KIF1B: variants seen among roughly 807,000 people sequenced by gnomAD.
KIF1B encodes kinesin-like protein KIF1B.
A neutral mutation model predicts 241.9 loss-of-function variants in KIF1B; 76 were observed. The ratio of observed to expected loss-of-function variants is 0.31; its 90% CI spans 0.26 to 0.38. The LOEUF is 0.38. Among genes scored for constraint, KIF1B ranks in the 10% least tolerant of loss-of-function variants. The probability of loss-of-function intolerance (pLI) is 1.00; values close to 1 mark genes in which losing one functional copy is unlikely to be tolerated. For missense variants in KIF1B, 1,622 were observed against 2,271.4 expected (o/e 0.71, Z 5.81); for synonymous variants, 750 against 796.7 (o/e 0.94, Z 0.99).
chr1:10,378,307 T>A lies in KIF1B; in HGVS notation c.*1720T>A. ...ACTGCCCAGGGAGAAAGGAGGAAGC[T>A]CACTGTGGACAGTCTTCTTTCCTTC... On this transcript the variant is annotated 3_prime_UTR_variant, in exon 49 of 49. Coordinates refer to ENST00000676179, the MANE Select transcript of KIF1B (RefSeq NM_001365951.3). 2 of 717,834 alleles carry A rather than the reference T, an allele frequency of 2.8e-6. No individual in the cohort carries two copies. Among genetic ancestry groups the A allele is most frequent in the Non-Finnish European group, 5.2e-6 (2 of 385,168 alleles). 44.5% of individuals were successfully genotyped at this position (717,834 alleles called of 1,614,324 possible).
chr1:10,339,948 G>A (rs1368501994), intron 32 of KIF1B, 89 bp downstream of exon 32: 1 of 1,067,776 alleles, frequency 9.4e-7, no homozygotes, highest in Non-Finnish European at 1.4e-6. Context: ...AGAGGTACAA[G>A]TCACTGGCTG....
intron 1 of KIF1B, among the ~76,000 whole-genome samples, chr1:10,226,897 G>C (rs1646915174): frequency 6.6e-6 from 1 of 151,976 alleles, no homozygotes; most frequent in South Asian, 2.1e-4. Context: ...GAGCCCAGGA[G>C]GTCAAGGCTG....
At chr1:10,325,025 T>G (rs1017604994) in intron 26 of KIF1B, 130 bp downstream of exon 26, 8 of 984,994 alleles carry the variant, frequency 8.1e-6, no homozygotes, top group Non-Finnish European at 1.3e-5. Context: ...TATAATCTTA[T>G]CCACTCACAA....
At chr1:10,299,128 A>G (rs1339496263) in intron 22 of KIF1B, 1 of 152,142 alleles carries the variant, frequency 6.6e-6, no homozygotes, top group Non-Finnish European at 1.5e-5. Context: ...GACAAACAAA[A>G]AAAAAGAATA....
intron 2 of KIF1B, among the ~76,000 whole-genome samples, chr1:10,242,628 T>G (rs1410214562): frequency 6.6e-6 from 1 of 152,152 alleles, no homozygotes; most frequent in Non-Finnish European, 1.5e-5. Flanking sequence ...ACAATTCTCC[T>G]GCCTAAGCCT....
At position 10,376,557 on chromosome 1, in the gene KIF1B, C is replaced by T. The variant is rs1255711182; in HGVS notation, c.5421C>T (p.Ser1807=). 11 of 1,614,040 alleles carry T rather than the reference C, an allele frequency of 6.8e-6. No homozygotes were observed. The highest frequency in any genetic ancestry group is 9.3e-6 in the Non-Finnish European group (11 of 1,179,938). ...TTGTCCCCCATAGGTCAAAGCTTTCCCGCAGATGCCCGAGCCAGTCGAAAT... is the reference window on the plus strand; with the variant it reads ...TTGTCCCCCATAGGTCAAAGCTTTCTCGCAGATGCCCGAGCCAGTCGAAAT... ...LLAGTIRSKL[S]RRCPSQSKY is the part of the protein sequence containing the mutation. Residue 1807 remains serine, a synonymous_variant, in exon 49 of 49, where the codon TCC becomes TCT. Transcript: ENST00000676179.
At chr1:10,332,713 C>T (rs1651999126) in intron 27 of KIF1B, among the ~76,000 whole-genome samples, 2 of 151,312 alleles carry the variant, frequency 1.3e-5, no homozygotes, top group African/African-American at 4.9e-5. Flanking sequence ...GACGGAGTTT[C>T]ACCGTGTTAG....
chr1:10,256,127 C>G (rs1647767085), intron 2 of KIF1B, 120 bp from the exon 3 acceptor site: 1 of 720,532 alleles, frequency 1.4e-6, no homozygotes, highest in African/African-American at 1.8e-5. Context: ...TTTGATTGCC[C>G]TATTCAGATT....
intron 4 of KIF1B, among the ~76,000 whole-genome samples, chr1:10,259,401 T>A (rs1013953): frequency 0.35 from 52,491 of 151,100 alleles, 9,219 homozygotes; most frequent in Admixed American, 0.38. Flanking sequence ...TGAGGCCTTG[T>A]CCTCCCAGGC....
chr1:10,334,713 C>A, intron 28 of KIF1B, 75 bp downstream of exon 28: 2 of 1,125,966 alleles, frequency 1.8e-6, no homozygotes, highest in Non-Finnish European at 2.7e-6. Context: ...CTGCGTGGGT[C>A]ACGCTTATAT....
intron 40 of KIF1B, among the ~76,000 whole-genome samples, chr1:10,363,004 C>G (rs572782067): frequency 6.6e-6 from 1 of 151,814 alleles, no homozygotes; most frequent in South Asian, 2.1e-4. Flanking sequence ...TCCAGGAGTT[C>G]GAGGCTGCAG....
chr1:10,278,915 T>G (rs1649259713), intron 13 of KIF1B, 182 bp from the exon 14 acceptor site: 1 of 502,112 alleles, frequency 2.0e-6, no homozygotes, highest in African/African-American at 1.9e-5. Context: ...CTCTTCTAGT[T>G]TAATTCTTCT....
At chr1:10,337,000 C>T (rs1652203936) in intron 29 of KIF1B, 74 bp from the exon 30 acceptor site, 3 of 1,590,938 alleles carry the variant, frequency 1.9e-6, no homozygotes, top group East Asian at 4.5e-5. Flanking sequence ...GACAGATAAA[C>T]AGAAGTAAGG....
chr1:10,263,467 A>AT (rs954181593), intron 5 of KIF1B, among the ~76,000 whole-genome samples: 2 of 151,268 alleles, frequency 1.3e-5, no homozygotes, highest in African/African-American at 4.9e-5. Context: ...CGATCTTGAG[A>AT]TTTTTTTTCT....
intron 5 of KIF1B, among the ~76,000 whole-genome samples, chr1:10,266,146 TTA>T (rs1258581957): frequency 6.6e-6 from 1 of 152,202 alleles, no homozygotes; most frequent in Non-Finnish European, 1.5e-5. Context: ...AGGACTATCC[TTA>T]CAAGTTAAGA....
chr1:10,373,569 G>A (rs1292522018), intron 45 of KIF1B, among the ~76,000 whole-genome samples: 1 of 151,968 alleles, frequency 6.6e-6, no homozygotes, highest in Non-Finnish European at 1.5e-5. Flanking sequence ...AATGAAGTAT[G>A]AGAAAAAGTT....
chr1:10,255,821 G>A, intron 2 of KIF1B, among the ~76,000 whole-genome samples: 1 of 151,988 alleles, frequency 6.6e-6, no homozygotes, highest in East Asian at 1.9e-4. Flanking sequence ...TTTTGAGATC[G>A]GGTCTCAAAA....
chr1:10,257,546 G>C (rs1296242976), intron 3 of KIF1B, among the ~76,000 whole-genome samples: 1 of 151,942 alleles, frequency 6.6e-6, no homozygotes, highest in African/African-American at 2.4e-5. Flanking sequence ...CGAAAATGCA[G>C]AGTAGGGCCC....
intron 33 of KIF1B, among the ~76,000 whole-genome samples, chr1:10,342,756 G>A (rs1652447880): frequency 6.6e-6 from 1 of 152,112 alleles, no homozygotes; most frequent in Non-Finnish European, 1.5e-5. Flanking sequence ...CCAACTCTTT[G>A]TAGTCTTTTT....
Sources: gnomAD v4.1 joint callset for allele counts (sites outside exome capture counted in the v4.1 genomes callset) on GRCh38, gnomAD v4.1.1 for gene constraint, MANE v1.5 for transcripts, NCBI Gene and HGNC (gene_info 2026-07-23, HGNC 2026-07-21) for gene names.